OGA: variants seen among roughly 807,000 people sequenced by gnomAD.
The protein encoded by OGA is protein O-GlcNAcase.
Under a neutral mutation model 102.0 loss-of-function variants are expected in OGA, and 21 were observed. That is an observed-to-expected ratio of 0.21 (90% CI 0.15 to 0.30). The LOEUF (loss-of-function observed/expected upper bound fraction) is 0.30. Among genes scored for constraint, OGA ranks in the 10% least tolerant of loss-of-function variants. The probability of loss-of-function intolerance (pLI) is 1.00; values close to 1 mark genes in which losing one functional copy is unlikely to be tolerated. For missense variants in OGA, 765 were observed against 1,107.8 expected, an observed-to-expected ratio of 0.69 and a Z score of 4.39; for synonymous variants, 408 against 378.2, an observed-to-expected ratio of 1.08 and a Z score of -0.91.
intron 11 of OGA, 83 bp from the exon 12 acceptor site, chr10:101,793,026 C>T (rs181180773): frequency 8.9e-6 from 9 of 1,015,210 alleles, no homozygotes; most frequent in Admixed American, 3.6e-5. Context: ...AGATTACCAA[C>T]TTATATTAAC....
At chr10:101,814,188 G>A (rs1034596602) in intron 1 of OGA, among the ~76,000 whole-genome samples, 1 of 152,152 alleles carries the variant, frequency 6.6e-6, no homozygotes, top group African/African-American at 2.4e-5. Flanking sequence ...AATTAGCCAG[G>A]TATGGTGGCA....
intron 3 of OGA, among the ~76,000 whole-genome samples, chr10:101,811,406 G>GAAAAAAAAAAAAAAA (rs67433227): frequency 2.0e-4 from 9 of 45,702 alleles, no homozygotes; most frequent in African/African-American, 4.9e-4. Flanking sequence ...GAAAAAAAAT[G>GAAAAAAAAAAAAAAA]AAAAAAAAAA....
chr10:101,816,339 C>T (rs2065624738), intron 1 of OGA, among the ~76,000 whole-genome samples: 1 of 152,148 alleles, frequency 6.6e-6, no homozygotes, highest in South Asian at 2.1e-4. Context: ...TATACAAGGG[C>T]ACGGGAGGGA....
intron 3 of OGA, 193 bp downstream of exon 3, chr10:101,812,837 C>T (rs968412732): frequency 2.9e-5 from 19 of 656,294 alleles, no homozygotes; most frequent in Non-Finnish European, 4.2e-5. Flanking sequence ...CATGATATCA[C>T]ACATATGGTC....
At position 101,791,443 on chromosome 10, in the gene OGA, A is replaced by G. The variant is rs1324179149; in HGVS notation, c.2176-4T>C. On this transcript the variant is annotated splice_polypyrimidine_tract_variant and splice_region_variant and intron_variant, in intron 12 of 15. Transcript: ENST00000361464. Reference sequence around the variant, plus strand: ...TGCAAATCTTGTACACGGATGCCTGAAAATATAATCTAGTTAAGCAACACA... The same window carrying G: ...TGCAAATCTTGTACACGGATGCCTGGAAATATAATCTAGTTAAGCAACACA... 1.2e-6 allele frequency: 2 copies of G among 1,612,044 alleles called. No individual in the cohort carries two copies. The highest frequency in any genetic ancestry group is 2.2e-5 in the East Asian group (1 of 44,884).
intron 10 of OGA, among the ~76,000 whole-genome samples, chr10:101,796,705 G>A (rs2135046644): frequency 6.6e-6 from 1 of 152,076 alleles, no homozygotes; most frequent in South Asian, 2.1e-4. Flanking sequence ...CAAGTAGCTG[G>A]GATTACAGGC....
At chr10:101,802,933 G>A (rs891685159) in intron 7 of OGA, among the ~76,000 whole-genome samples, 3 of 142,380 alleles carry the variant, frequency 2.1e-5, no homozygotes, top group Admixed American at 7.1e-5. Context: ...AAGGTCAGGA[G>A]TTCGAGACCA....
rs1490674954 is a variant in OGA, at chr10:101,800,223, A to G, written c.1195+19T>C. 11 of 1,610,118 alleles carry G rather than the reference A, an allele frequency of 6.8e-6. No individual in the cohort carries two copies. The Admixed American group carries it at 1.8e-4, about 27-fold the overall frequency. On this transcript the variant is annotated intron_variant, in intron 8 of 15. Coordinates refer to ENST00000361464, the MANE Select transcript of OGA (RefSeq NM_012215.5). Reference sequence around the variant, plus strand: ...AACTATGTGATCTAACCCCCTTAACAAAGAATGGCCAAACTCACTGCTGTA... The same window carrying G: ...AACTATGTGATCTAACCCCCTTAACGAAGAATGGCCAAACTCACTGCTGTA...
intron 9 of OGA, 137 bp downstream of exon 9, chr10:101,798,705 T>C: frequency 1.7e-6 from 2 of 1,145,830 alleles, no homozygotes; most frequent in East Asian, 5.1e-5. Context: ...TGAGCCATCA[T>C]AACCGGCCTA....
intron 4 of OGA, among the ~76,000 whole-genome samples, chr10:101,809,918 C>G (rs1162452354): frequency 1.3e-5 from 2 of 151,440 alleles, no homozygotes; most frequent in Non-Finnish European, 2.9e-5. Flanking sequence ...TGGCACGCAC[C>G]TATAGTCCCA....
chr10:101,804,065 C>T (rs1245911405), intron 6 of OGA, 46 bp from the exon 7 acceptor site: 1 of 1,537,108 alleles, frequency 6.5e-7, no homozygotes, highest in Admixed American at 1.8e-5. Flanking sequence ...TGGTTCTTGG[C>T]TAGACGCATT....
chr10:101,805,454 A>G (rs1304218106), intron 6 of OGA, among the ~76,000 whole-genome samples: 2 of 152,102 alleles, frequency 1.3e-5, no homozygotes, highest in Non-Finnish European at 1.5e-5. Flanking sequence ...CGGGAGTTTG[A>G]GACCAGCCTG....
At position 101,793,909 on chromosome 10, in the gene OGA, A is replaced by G. The variant is rs781656502; in HGVS notation, c.2070+4T>C. The G allele has an allele frequency of 6.3e-7, 1 of 1,590,416 alleles. No individual in the cohort carries two copies. On this transcript the variant is annotated splice_donor_region_variant and intron_variant, in intron 11 of 15. Transcript: ENST00000361464. ...TCAATTCAGTTGTGAATTCATATTG[A>G]TACCTGGAACTCTCCTGCTAGACCA... is the stretch of plus-strand genomic sequence containing the variant.
chr10:101,817,857 C>T lies in OGA; in HGVS notation c.166G>A (p.Gly56Arg). The T allele has an allele frequency of 6.5e-7, 1 of 1,544,540 alleles. No homozygotes were observed. The highest frequency in any genetic ancestry group is 8.7e-7 in the Non-Finnish European group (1 of 1,148,484). ...ACACCGCAGAGGAACCGCCGAGCCCCTCCTGCAGCCCCGGCCACCGCCGCT... is the reference window on the plus strand; with the variant it reads ...ACACCGCAGAGGAACCGCCGAGCCCTTCCTGCAGCCCCGGCCACCGCCGCT... ...GGAAVAGAAG[G>R]ARRFLCGVVE... Residue 56 changes from glycine to arginine, a missense_variant, in exon 1 of 16, where the codon GGG becomes AGG. Transcript: ENST00000361464.
intron 9 of OGA, 128 bp from the exon 10 acceptor site, chr10:101,798,282 T>A: frequency 2.4e-6 from 2 of 825,608 alleles, no homozygotes; most frequent in Non-Finnish European, 3.7e-6. Flanking sequence ...AAGTATCATT[T>A]TGTGTCTCCC....
chr10:101,802,114 C>T (rs1353105149), intron 7 of OGA, among the ~76,000 whole-genome samples: 1 of 152,072 alleles, frequency 6.6e-6, no homozygotes, highest in Non-Finnish European at 1.5e-5. Context: ...CACTGCACTC[C>T]AGCCTGGGCA....
intron 7 of OGA, among the ~76,000 whole-genome samples, chr10:101,803,017 T>C (rs1301679726): frequency 6.9e-6 from 1 of 144,440 alleles, no homozygotes; most frequent in Non-Finnish European, 1.5e-5. Flanking sequence ...CGGGTGTGCC[T>C]GCAATCCCAG....
At chr10:101,788,854 T>C (rs1589822183) in intron 14 of OGA, among the ~76,000 whole-genome samples, 1 of 152,306 alleles carries the variant, frequency 6.6e-6, no homozygotes, top group East Asian at 1.9e-4. Context: ...AATATACCCA[T>C]GTTGGTTACT....
chr10:101,791,190 C>T, intron 13 of OGA, 102 bp from the exon 14 acceptor site: 1 of 1,320,914 alleles, frequency 7.6e-7, no homozygotes, highest in Non-Finnish European at 1.0e-6. Flanking sequence ...ACTTACGGAA[C>T]CTACATTTGG....
Sources: gnomAD v4.1 joint callset for allele counts (sites outside exome capture counted in the v4.1 genomes callset) on GRCh38, gnomAD v4.1.1 for gene constraint, MANE v1.5 for transcripts, NCBI Gene and HGNC (gene_info 2026-07-23, HGNC 2026-07-21) for gene names.